DRAXIN: variants seen among roughly 807,000 people sequenced by gnomAD.
DRAXIN encodes dorsal inhibitory axon guidance protein.
Under a neutral mutation model 33.9 loss-of-function variants are expected in DRAXIN, and 27 were observed. The observed-to-expected ratio is 0.80, with a 90% CI of 0.59 to 1.10. DRAXIN has a LOEUF of 1.10. Among genes scored for constraint, DRAXIN ranks in the 50% least tolerant of loss-of-function variants. DRAXIN has a pLI of 0.00. For synonymous variants in DRAXIN, 178 were observed against 194.0 expected (o/e 0.92, Z 0.69); for missense variants, 371 against 460.8 (o/e 0.81, Z 1.78).
At chr1:11,689,889 C>T (rs184985701), upstream of DRAXIN, among the ~76,000 whole-genome samples, 7 of 152,076 alleles carry the variant, frequency 4.6e-5, no homozygotes, top group Admixed American at 6.5e-5. Context: ...TGTCACCTCA[C>T]TCTGTTCCAG....
chr1:11,717,100 T>A (rs1333324144), intron 6 of DRAXIN, among the ~76,000 whole-genome samples: 1 of 151,696 alleles, frequency 6.6e-6, no homozygotes, highest in African/African-American at 2.4e-5. Flanking sequence ...CTGGCCAACA[T>A]GGTGAAACCC....
chr1:11,699,573 C>T (rs1470650913), intron 1 of DRAXIN, among the ~76,000 whole-genome samples: 1 of 152,186 alleles, frequency 6.6e-6, no homozygotes, highest in African/African-American at 2.4e-5. Context: ...AGGGATCCTC[C>T]TGCCTCAGCC....
chr1:11,699,447 C>A (rs1005394286), intron 1 of DRAXIN, among the ~76,000 whole-genome samples: 1 of 152,144 alleles, frequency 6.6e-6, no homozygotes, highest in Non-Finnish European at 1.5e-5. Flanking sequence ...TTCTGTGCGA[C>A]CACTGCTTTG....
Position 11,722,812 on chromosome 1 carries a change from ATAT to A in DRAXIN, c.*3121_*3123del, listed in dbSNP as rs1641674356. ...CTGTATACTTTTCACATGTCACAAAATATTATTCTCTCTTTCCTTTTTTTTTTT... is the reference window on the plus strand; with the variant it reads ...CTGTATACTTTTCACATGTCACAAAATATTCTCTCTTTCCTTTTTTTTTTT... On this transcript the variant is annotated 3_prime_UTR_variant, in exon 7 of 7. Coordinates refer to ENST00000294485, the MANE Select transcript of DRAXIN (RefSeq NM_198545.4). The A allele has an allele frequency of 6.5e-6, 1 of 152,886 alleles. No homozygotes were observed. Among genetic ancestry groups the A allele is most frequent in the Non-Finnish European group, 1.5e-5 (1 of 67,978 alleles). The allele number at this position is 152,886 out of a possible 1,614,324, so 9.5% of individuals were successfully genotyped here. A position where few individuals can be genotyped will look rare whatever the true frequency, so the allele number is the denominator to read the frequency against.
At chr1:11,710,213 CG>C (rs772629976) in intron 3 of DRAXIN, among the ~76,000 whole-genome samples, 106 of 147,780 alleles carry the variant, frequency 7.2e-4, no homozygotes, top group Non-Finnish European at 1.0e-3. Context: ...AAATGTGGGG[CG>C]GGCACGTTGG....
intron 2 of DRAXIN, among the ~76,000 whole-genome samples, chr1:11,708,623 G>A (rs1449173423): frequency 6.6e-6 from 1 of 152,156 alleles, no homozygotes; most frequent in Admixed American, 6.5e-5. Flanking sequence ...CTCATGAGCT[G>A]TGCATCCTTG....
At chr1:11,703,194 A>C (rs1641325520) in intron 1 of DRAXIN, among the ~76,000 whole-genome samples, 1 of 152,156 alleles carries the variant, frequency 6.6e-6, no homozygotes, top group African/African-American at 2.4e-5. Context: ...GCTCTAAAAA[A>C]CCTGACGGTC....
At chr1:11,708,325 G>A (rs1329542397) in intron 2 of DRAXIN, among the ~76,000 whole-genome samples, 1 of 152,200 alleles carries the variant, frequency 6.6e-6, no homozygotes, top group Non-Finnish European at 1.5e-5. Flanking sequence ...TGAAACCTCA[G>A]GCCAGGCTGG....
At chr1:11,700,302 A>G (rs1171392310) in intron 1 of DRAXIN, among the ~76,000 whole-genome samples, 3 of 152,270 alleles carry the variant, frequency 2.0e-5, no homozygotes, top group Non-Finnish European at 4.4e-5. Flanking sequence ...ATAGAAAATG[A>G]TGTAATGGAT....
chr1:11,717,656 C>T (rs1299644974), intron 6 of DRAXIN, among the ~76,000 whole-genome samples: 21 of 95,390 alleles, frequency 2.2e-4, no homozygotes, highest in East Asian at 1.5e-3. Flanking sequence ...AGAGAGACTC[C>T]GTCTCAAAAA....
At position 11,705,656 on chromosome 1, in the gene DRAXIN, T is replaced by C. The variant is rs1373441871; in HGVS notation, c.-10-593T>C. ...GTGACTTAACCTCTCTGAGCCTTCA[T>C]TGCCACTTCAGAAAAATGGGGAAAA... On this transcript the variant is annotated intron_variant, in intron 1 of 6. Coordinates refer to ENST00000294485, the MANE Select transcript of DRAXIN (RefSeq NM_198545.4). This position sits in a 1 kb window ranked among gnomAD's most constrained non-coding sequence, Gnocchi z 4.8. Among the ~76,000 whole-genome samples, 1 of 152,140 alleles carries C rather than the reference T, an allele frequency of 6.6e-6. No individual in the cohort carries two copies. The highest frequency in any genetic ancestry group is 2.4e-5 in the African/African-American group (1 of 41,416).
At chr1:11,687,407 T>A (rs1640978797), upstream of DRAXIN, among the ~76,000 whole-genome samples, 1 of 152,212 alleles carries the variant, frequency 6.6e-6, no homozygotes, top group African/African-American at 2.4e-5. This position sits in a 1 kb window ranked among gnomAD's most constrained non-coding sequence, Gnocchi z 4.1. Flanking sequence ...GCTTGGCTAA[T>A]TTTTAAATTT....
intron 3 of DRAXIN, among the ~76,000 whole-genome samples, 171 bp from the exon 4 acceptor site, chr1:11,711,680 C>T (rs1223120388): frequency 6.6e-6 from 1 of 152,208 alleles, no homozygotes; most frequent in Non-Finnish European, 1.5e-5. Flanking sequence ...GCCACTGGAA[C>T]AGGAGCCTCC....
chr1:11,715,640 C>T (rs1315763644), intron 6 of DRAXIN, among the ~76,000 whole-genome samples: 1 of 152,070 alleles, frequency 6.6e-6, no homozygotes, highest in Non-Finnish European at 1.5e-5. Flanking sequence ...GGTGGGTTTC[C>T]CAGCATGTCC....
At chr1:11,711,765 C>G (rs1002016594) in intron 3 of DRAXIN, 86 bp from the exon 4 acceptor site, 97 of 1,325,760 alleles carry the variant, frequency 7.3e-5, no homozygotes, top group Non-Finnish European at 1.0e-4. Context: ...TGAGAAGCCT[C>G]TTTTTTGTCC....
chr1:11,702,747 C>T (rs201686702), intron 1 of DRAXIN, among the ~76,000 whole-genome samples: 4 of 145,552 alleles, frequency 2.7e-5, no homozygotes, highest in South Asian at 2.2e-4. Context: ...GGTATGAATT[C>T]TTTTTTTTTT....
intron 1 of DRAXIN, among the ~76,000 whole-genome samples, chr1:11,702,003 G>A (rs750226834): frequency 5.3e-5 from 8 of 152,016 alleles, no homozygotes; most frequent in Non-Finnish European, 1.2e-4. Context: ...CCCTCCTCCA[G>A]CTGACACACA....
rs1056161706 is a variant in DRAXIN at position 11,694,106 on chromosome 1, C to T, written c.-11+2253C>T. On this transcript the variant is annotated intron_variant, in intron 1 of 6. Coordinates refer to ENST00000294485, the MANE Select transcript of DRAXIN (RefSeq NM_198545.4). This position sits in a 1 kb window ranked among gnomAD's most constrained non-coding sequence, Gnocchi z 4.9. Reference sequence around the variant, plus strand: ...GAAGCACCCCGGCACTCCCTTGCCTCCCTAGCTCTTGTGAACTGCACGGCA... The same window carrying T: ...GAAGCACCCCGGCACTCCCTTGCCTTCCTAGCTCTTGTGAACTGCACGGCA... 6.6e-6 allele frequency among the ~76,000 whole-genome samples: 1 copy of T among 152,124 alleles called. No individual in the cohort carries two copies. Among genetic ancestry groups the T allele is most frequent in the Non-Finnish European group, 1.5e-5 (1 of 68,020 alleles).
In DRAXIN at chr1:11,693,928, C is replaced by T. The variant is rs554384060; in HGVS notation, c.-11+2075C>T. 4.6e-5 allele frequency among the ~76,000 whole-genome samples: 7 copies of T among 152,318 alleles called. No individual in the cohort carries two copies. The East Asian group carries it at 1.2e-3, about 25-fold the overall frequency. On this transcript the variant is annotated intron_variant, in intron 1 of 6. Transcript: ENST00000294485. ...TGCCTGCCTCCCAGCATTGTCCCCT[C>T]TGCGTCCCAGGTTGCAGCCACGATG...
Sources: allele counts gnomAD v4.1 joint callset (sites outside exome capture counted in the v4.1 genomes callset), GRCh38; gene constraint gnomAD v4.1.1; non-coding constraint Gnocchi (gnomAD v3.1); transcripts MANE v1.5; gene names NCBI Gene and HGNC (gene_info 2026-07-23, HGNC 2026-07-21).